Variants in NECAB3 observed in about 807,000 individuals in gnomAD.
NECAB3 encodes the protein N-terminal EF-hand calcium binding protein 3.
Under a neutral mutation model 57.2 loss-of-function variants are expected in NECAB3, and 38 were observed. That is an observed-to-expected ratio of 0.66 (90% confidence interval 0.51 to 0.87). The LOEUF (loss-of-function observed/expected upper bound fraction) is 0.87, where lower values mean the gene tolerates loss of function less well. NECAB3 is among the 40% of genes least tolerant of loss of function. The probability of loss-of-function intolerance (pLI) is 0.00; values close to 1 mark genes in which losing one functional copy is unlikely to be tolerated. For synonymous variants in NECAB3, 223 were observed against 222.6 expected (o/e 1.00, Z -0.02); for missense variants, 474 against 527.5 (o/e 0.90, Z 0.99).
At chr20:33,670,142 G>T (rs1327396067) in intron 3 of NECAB3, 6 of 186,024 alleles carry the variant, frequency 3.2e-5, no homozygotes, top group Non-Finnish European at 5.5e-5. Flanking sequence ...TGGGTGGGGA[G>T]TCTGGCCAGG....
Position 33,674,273 on chromosome 20 carries a change from G to T in NECAB3, c.80C>A (p.Pro27His). 1.6e-6 allele frequency: 2 copies of T among 1,229,216 alleles called. No individual in the cohort carries two copies. Among genetic ancestry groups the T allele is most frequent in the South Asian group, 4.1e-5 (1 of 24,406 alleles). The allele number at this position is 1,229,216 out of a possible 1,614,324, so 76.1% of individuals were successfully genotyped here. A position where few individuals can be genotyped will look rare whatever the true frequency, so the allele number is the denominator to read the frequency against. ...GGGCCCCGGGTCGGGCGCGAGCTGG[G>T]GGTGCCGCGGGGTCTGGGGCTGGGG... ...PQPQPQTPRH[P>H]QLAPDPGPAG... is the part of the protein sequence containing the mutation. The change falls in exon 1 of 12, where the codon CCC (proline) becomes CAC (histidine). Residue 27 changes from proline to histidine, a missense_variant. Transcript: ENST00000246190.
At chr20:33,667,839 C>A in intron 5 of NECAB3, 3 of 1,610,914 alleles carry the variant, frequency 1.9e-6, no homozygotes, top group Non-Finnish European at 2.5e-6. Flanking sequence ...GGTGCTGCGT[C>A]TGCCTCAGCA....
intron 5 of NECAB3, chr20:33,663,606 G>A (rs767796205): frequency 6.2e-7 from 1 of 1,610,868 alleles, no homozygotes; most frequent in Admixed American, 1.7e-5. Context: ...TTGACTACGC[G>A]TCCGGCGCTG....
At position 33,658,514 on chromosome 20, in the gene NECAB3, G is replaced by C; in HGVS notation, c.1033C>G (p.Leu345Val). ...GCCTCATCCTGCCAGAACTCATACA[G>C]GGTGAAGGAGGCACCGTCCAGCATC... ...QKMLDGASFT[L>V]YEFWQDEASW... Residue 345 changes from leucine to valine, a missense_variant, in exon 10 of 12, where the codon CTG (leucine) becomes GTG (valine). By Grantham distance (32) the Leu-to-Val change is conservative. Transcript: ENST00000246190. 1.2e-6 allele frequency: 2 copies of C among 1,614,062 alleles called. No individual in the cohort carries two copies. The highest frequency in any genetic ancestry group is 1.7e-6 in the Non-Finnish European group (2 of 1,179,998).
chr20:33,663,720 G>A (rs772515500), intron 5 of NECAB3: 1 of 1,538,498 alleles, frequency 6.5e-7, no homozygotes, highest in South Asian at 1.2e-5. Context: ...AAGAGGCGCG[G>A]CGGCCGGAAG....
rs2017438161 is a variant in NECAB3 at position 33,660,505 on chromosome 20, G to A, written c.388-110C>T. The A allele has an allele frequency of 7.0e-7, 1 of 1,437,872 alleles. No homozygotes were observed. Among genetic ancestry groups the A allele is most frequent in the Non-Finnish European group, 9.4e-7 (1 of 1,060,742 alleles). The allele number at this position is 1,437,872 out of a possible 1,614,324, so 89.1% of individuals were successfully genotyped here. Reference sequence around the variant, plus strand: ...CAGCGGTGGCAGTGCCAAGAGCAGGGGCACGCAAACCTGGCACAGGCAGGA... The same window carrying A: ...CAGCGGTGGCAGTGCCAAGAGCAGGAGCACGCAAACCTGGCACAGGCAGGA... On this transcript the variant is annotated intron_variant, in intron 5 of 11. Transcript: ENST00000246190. The surrounding 1 kb of genome is among the most constrained non-coding windows in gnomAD (Gnocchi z 4.1).
intron 5 of NECAB3, chr20:33,665,138 T>C (rs1006208420): frequency 6.6e-6 from 1 of 152,234 alleles, no homozygotes; most frequent in African/African-American, 2.4e-5. Context: ...AGAGACCATG[T>C]TCTCTACTTG....
At chr20:33,667,670 A>T (rs537895103) in intron 5 of NECAB3, 1 of 1,611,290 alleles carries the variant, frequency 6.2e-7, no homozygotes. Flanking sequence ...TACCTGCGGG[A>T]TCTGCTGGTG....
Position 33,660,284 on chromosome 20 carries a change from G to C in NECAB3, c.499C>G (p.Leu167Val), listed in dbSNP as rs1421438813. 4 of 1,613,240 alleles carry C rather than the reference G, an allele frequency of 2.5e-6. No homozygotes were observed. The South Asian group carries it at 4.4e-5, about 18-fold the overall frequency. ...QSSLEGASDT[L>V]EAQAHGWRSD... ...CGCCAGCCATGGGCCTGGGCCTCCA[G>C]GGTATCTGACGCCCCCTCCAGCGAG... Residue 167 changes from leucine to valine, a missense_variant, in exon 6 of 12, where the codon CTG (leucine) becomes GTG (valine). By Grantham distance (32) the Leu-to-Val change is conservative (BLOSUM62 1). Coordinates refer to ENST00000246190, the MANE Select transcript of NECAB3 (RefSeq NM_031232.4). The surrounding 1 kb of genome is among the most constrained non-coding windows in gnomAD (Gnocchi z 4.1).
chr20:33,674,545 T>G, upstream of NECAB3: 1 of 419,498 alleles, frequency 2.4e-6, no homozygotes. Context: ...GCCTCCGCGC[T>G]TCCGCGGCCA....
chr20:33,666,795 C>T (rs2017665535), intron 5 of NECAB3: 1 of 152,310 alleles, frequency 6.6e-6, no homozygotes, highest in African/African-American at 2.4e-5. Flanking sequence ...AGAGCGGAGA[C>T]TGAAGCCTGA....
intron 5 of NECAB3, chr20:33,663,613 G>A: frequency 6.2e-7 from 1 of 1,610,242 alleles, no homozygotes; most frequent in Non-Finnish European, 8.5e-7. Flanking sequence ...CGCGTCCGGC[G>A]CTGGGCTGGG....
At chr20:33,663,446 G>C in intron 5 of NECAB3, 1 of 1,419,890 alleles carries the variant, frequency 7.0e-7, no homozygotes, top group African/African-American at 1.5e-5. Context: ...GGTGGACGAG[G>C]GTCCCAGGAG....
Position 33,657,237 on chromosome 20 carries a change from G to C in NECAB3, c.*592C>G, listed in dbSNP as rs564900470. On this transcript the variant is annotated 3_prime_UTR_variant, in exon 12 of 12. Transcript: ENST00000246190. ...CCCATACTGCCCTGAGAATGGGTGG[G>C]ATGAGGGCATGCAAACGATATGCAA... 1 of 152,904 alleles carries C rather than the reference G, an allele frequency of 6.5e-6. No homozygotes were observed. The highest frequency in any genetic ancestry group is 1.5e-5 in the Non-Finnish European group (1 of 68,134). 9.5% of individuals were successfully genotyped at this position (152,904 alleles called of 1,614,324 possible).
intron 1 of NECAB3, among the ~76,000 whole-genome samples, chr20:33,673,013 T>A (rs1345554805): frequency 6.6e-6 from 1 of 152,082 alleles, no homozygotes; most frequent in Non-Finnish European, 1.5e-5. Context: ...GGGCTTCCTA[T>A]GGGGCTGACT....
At position 33,658,682 on chromosome 20, in the gene NECAB3, C is replaced by G; in HGVS notation, c.992+40G>C. On this transcript the variant is annotated intron_variant, in intron 9 of 11. Coordinates refer to ENST00000246190, the MANE Select transcript of NECAB3 (RefSeq NM_031232.4). ...CCCCAGCACCCCTCTCTGCTCACCC[C>G]CTCCCCACTGGCCATCCCACCTGCC... 5 of 1,603,996 alleles carry G rather than the reference C, an allele frequency of 3.1e-6. No individual in the cohort carries two copies. The South Asian group carries it at 4.4e-5, about 14-fold the overall frequency.
At chr20:33,671,966 G>C in intron 2 of NECAB3, 1 of 187,924 alleles carries the variant, frequency 5.3e-6, no homozygotes, top group South Asian at 1.1e-4. Context: ...CACACAAGGA[G>C]CCTGGGATTA....
In NECAB3 at chr20:33,660,423, T is replaced by C; in HGVS notation, c.388-28A>G. The C allele has an allele frequency of 6.2e-7, 1 of 1,607,652 alleles. No individual in the cohort carries two copies. The highest frequency in any genetic ancestry group is 8.5e-7 in the Non-Finnish European group (1 of 1,176,260). On this transcript the variant is annotated intron_variant, in intron 5 of 11. Coordinates refer to ENST00000246190, the MANE Select transcript of NECAB3 (RefSeq NM_031232.4). This position sits in a 1 kb window ranked among gnomAD's most constrained non-coding sequence, Gnocchi z 4.1. ...GTGGGCCAAGGAGGGACGGTCAGCATCTCCCAGCCCGGGCACTGATCTCTT... is the reference window on the plus strand; with the variant it reads ...GTGGGCCAAGGAGGGACGGTCAGCACCTCCCAGCCCGGGCACTGATCTCTT...
intron 1 of NECAB3, among the ~76,000 whole-genome samples, chr20:33,672,770 AAGGTTGAGGAGATGGGCC>A (rs1361759788): frequency 1.3e-5 from 2 of 152,110 alleles, no homozygotes; most frequent in African/African-American, 4.8e-5. Context: ...CAGCTTGAGG[AAGGTTGAGGAGATGGGCC>A]AGGTTGTGGC....
Sources: gnomAD v4.1 joint callset for allele counts (sites outside exome capture counted in the v4.1 genomes callset) on GRCh38, gnomAD v4.1.1 for gene constraint, Gnocchi (gnomAD v3.1) non-coding constraint, MANE v1.5 for transcripts, NCBI Gene and HGNC (gene_info 2026-07-23, HGNC 2026-07-21) for gene names.